The following KAZN variants were observed in gnomAD, a reference collection of about 807,000 sequenced individuals.
KAZN encodes the protein kazrin.
A neutral mutation model predicts 87.4 loss-of-function variants in KAZN; 40 were observed. The observed-to-expected ratio is 0.46, with a 90% CI of 0.36 to 0.60. KAZN has a LOEUF of 0.60. Ranked by LOEUF, KAZN falls within the 20% of genes least tolerant of loss-of-function variation. KAZN has a pLI of 0.00. For synonymous variants in KAZN, 466 were observed against 458.3 expected (o/e 1.02, Z -0.22); for missense variants, 898 against 1,073.9 (o/e 0.84, Z 2.29).
At chr1:14,444,813 T>A (rs541011190) in intron 2 of KAZN, among the ~76,000 whole-genome samples, 12 of 152,260 alleles carry the variant, frequency 7.9e-5, no homozygotes. Context: ...CATTTATATA[T>A]CTAATCACCG....
intron 1 of KAZN, among the ~76,000 whole-genome samples, chr1:13,986,831 T>C (rs1639041819): frequency 6.6e-6 from 1 of 152,138 alleles, no homozygotes; most frequent in South Asian, 2.1e-4. Flanking sequence ...TGCCAGGACA[T>C]TGGGGTTGTC....
At chr1:14,784,167 T>C (rs1223277279) in intron 1 of KAZN, among the ~76,000 whole-genome samples, 1 of 152,200 alleles carries the variant, frequency 6.6e-6, no homozygotes, top group Non-Finnish European at 1.5e-5. Flanking sequence ...TTCTTCTTTA[T>C]CAAGGAAGCC....
chr1:14,304,959 A>AT (rs1654819214), intron 2 of KAZN, among the ~76,000 whole-genome samples: 1 of 148,148 alleles, frequency 6.8e-6, no homozygotes, highest in African/African-American at 2.5e-5. Flanking sequence ...TTTTTTTTTA[A>AT]TTTTAAATAA....
At chr1:14,308,406 AAT>A (rs1444770640) in intron 2 of KAZN, among the ~76,000 whole-genome samples, 2 of 152,250 alleles carry the variant, frequency 1.3e-5, no homozygotes, top group African/African-American at 2.4e-5. Flanking sequence ...AGGAAAACAA[AAT>A]ATGCATATCT....
intron 1 of KAZN, among the ~76,000 whole-genome samples, chr1:14,169,206 C>G (rs755743244): frequency 6.6e-6 from 1 of 151,972 alleles, no homozygotes; most frequent in Non-Finnish European, 1.5e-5. Context: ...TCACGGTGGA[C>G]GGAAACCAAG....
intron 2 of KAZN, among the ~76,000 whole-genome samples, chr1:14,422,995 T>A (rs577622783): frequency 2.0e-5 from 3 of 152,382 alleles, no homozygotes; most frequent in South Asian, 4.1e-4. Context: ...AATAGTTTAT[T>A]AACTTTTAAG....
At position 14,130,122 on chromosome 1, in the gene KAZN, G is replaced by A. The variant is rs561966383; in HGVS notation, c.92-50313G>A. ...TTCTGCTGACCATAAGTGAATTAGC[G>A]CTTTCTGATTAAAACCTTCTTTCCT... is the stretch of plus-strand genomic sequence containing the variant. On this transcript the variant is annotated intron_variant, in intron 1 of 16. Coordinates refer to the KAZN transcript ENST00000636203. 1.8e-3 allele frequency among the ~76,000 whole-genome samples: 279 copies of A among 152,296 alleles called. 3 individuals are homozygous for A. Among genetic ancestry groups the A allele is most frequent in the African/African-American group, 6.4e-3 (264 of 41,562 alleles).
chr1:14,417,771 C>T (rs1051673827), intron 2 of KAZN, among the ~76,000 whole-genome samples: 5 of 151,762 alleles, frequency 3.3e-5, no homozygotes, highest in Admixed American at 1.3e-4. Context: ...CCAAAGCAGG[C>T]AGATTCCGAG....
At chr1:14,230,091 A>G (rs548279870) in intron 2 of KAZN, among the ~76,000 whole-genome samples, 4 of 152,364 alleles carry the variant, frequency 2.6e-5, no homozygotes, top group African/African-American at 9.6e-5. Flanking sequence ...TTGCGTGACC[A>G]AGGAGCTGAC....
chr1:14,531,155 CA>C (rs1181040093), intron 2 of KAZN, among the ~76,000 whole-genome samples: 1 of 152,182 alleles, frequency 6.6e-6, no homozygotes, highest in Non-Finnish European at 1.5e-5. Flanking sequence ...ACACGCATCT[CA>C]ATTGCAGAGT....
At chr1:14,894,219 G>A (rs1489738429) in intron 1 of KAZN, among the ~76,000 whole-genome samples, 2 of 152,060 alleles carry the variant, frequency 1.3e-5, no homozygotes, top group African/African-American at 4.8e-5. Flanking sequence ...CCAGCCTACA[G>A]TTTCTGCCGC....
rs1457053846 is a variant in KAZN, at chr1:15,101,529, T to C, written c.1548-14T>C. ...TCCCCACCCATCCACTCTCTGGCTATGTCTCCTCCCCAGCCTGTCCAAAGC... is the reference window on the plus strand; with the variant it reads ...TCCCCACCCATCCACTCTCTGGCTACGTCTCCTCCCCAGCCTGTCCAAAGC... On this transcript the variant is annotated splice_polypyrimidine_tract_variant and intron_variant, in intron 10 of 14. Transcript: ENST00000376030. 6 of 1,540,030 alleles carry C rather than the reference T, an allele frequency of 3.9e-6. No individual in the cohort carries two copies. Among genetic ancestry groups the C allele is most frequent in the African/African-American group, 2.7e-5 (2 of 72,806 alleles).
chr1:14,440,287 TA>T (rs1169450559), intron 2 of KAZN, among the ~76,000 whole-genome samples: 5 of 152,176 alleles, frequency 3.3e-5, no homozygotes, highest in African/African-American at 1.2e-4. Flanking sequence ...CTCCTCTCCG[TA>T]AATTACCTGG....
At chr1:14,784,707 C>T (rs1645452707) in intron 1 of KAZN, among the ~76,000 whole-genome samples, 1 of 152,096 alleles carries the variant, frequency 6.6e-6, no homozygotes, top group Non-Finnish European at 1.5e-5. Context: ...TGCAATGAGC[C>T]AACACCATGC....
At chr1:14,177,009 T>G (rs1646091814) in intron 1 of KAZN, among the ~76,000 whole-genome samples, 1 of 151,970 alleles carries the variant, frequency 6.6e-6, no homozygotes, top group South Asian at 2.1e-4. Context: ...AGTACAAAAA[T>G]TAGCTGGGTG....
In KAZN at chr1:14,369,133, G is replaced by A. The variant is rs376176586; in HGVS notation, c.249+188541G>A. ...GTTTCTGCAGCGTAGCCTCAGGAAA[G>A]AATCAGATGGAGACACATTTCTAAA... On this transcript the variant is annotated intron_variant, in intron 2 of 16. Transcript: ENST00000636203. Among the ~76,000 whole-genome samples the A allele has an allele frequency of 1.0e-3, 158 of 152,330 alleles. 1 individual carries two copies. The South Asian group carries it at 0.02, about 20-fold the overall frequency.
At chr1:14,739,972 A>G (rs1008454480) in intron 1 of KAZN, among the ~76,000 whole-genome samples, 1 of 152,088 alleles carries the variant, frequency 6.6e-6, no homozygotes, top group Non-Finnish European at 1.5e-5. Flanking sequence ...GCTCTGGTTT[A>G]TTGGGGCATT....
At chr1:14,939,823 A>G (rs1009490023) in intron 1 of KAZN, among the ~76,000 whole-genome samples, 3 of 152,152 alleles carry the variant, frequency 2.0e-5, no homozygotes, top group African/African-American at 7.2e-5. Context: ...CTGGACAGAG[A>G]GACCCTGAGC....
At chr1:14,080,115 C>T (rs1557458761) in intron 1 of KAZN, among the ~76,000 whole-genome samples, 1 of 152,188 alleles carries the variant, frequency 6.6e-6, no homozygotes. Context: ...TTTCCTTTTA[C>T]CCTTCTAAGT....
Sources: gnomAD v4.1 joint callset for allele counts (sites outside exome capture counted in the v4.1 genomes callset) on GRCh38, gnomAD v4.1.1 for gene constraint, MANE v1.5 for transcripts, NCBI Gene and HGNC (gene_info 2026-07-23, HGNC 2026-07-21) for gene names.